Variants in LGR5 observed in about 807,000 individuals in gnomAD.
The protein encoded by LGR5 is leucine-rich repeat-containing G protein-coupled receptor 5.
In LGR5, 54 loss-of-function variants were observed where a neutral mutation model predicts 76.7. The ratio of observed to expected loss-of-function variants is 0.70; its 90% CI spans 0.57 to 0.88. LGR5 has a LOEUF of 0.88. LGR5 is among the 40% of genes least tolerant of loss of function. LGR5 has a pLI of 0.00. For missense variants in LGR5, 1,078 were observed against 1,073.3 expected, an observed-to-expected ratio of 1.00 and a Z score of -0.06; for synonymous variants, 406 against 421.9, an observed-to-expected ratio of 0.96 and a Z score of 0.46.
At chr12:71,456,947 A>G (rs554428410) in intron 1 of LGR5, among the ~76,000 whole-genome samples, 1 of 152,192 alleles carries the variant, frequency 6.6e-6, no homozygotes, top group Admixed American at 6.5e-5. Context: ...TTGAAACCCT[A>G]AAATTTGTTC....
intron 6 of LGR5, among the ~76,000 whole-genome samples, chr12:71,557,875 C>T (rs1233509881): frequency 6.6e-6 from 1 of 152,192 alleles, no homozygotes; most frequent in Non-Finnish European, 1.5e-5. Flanking sequence ...CTGACCAGAA[C>T]TGCAAAAGGA....
chr12:71,483,221 A>G (rs1873687110), intron 1 of LGR5, among the ~76,000 whole-genome samples: 2 of 152,104 alleles, frequency 1.3e-5, no homozygotes, highest in South Asian at 4.1e-4. Context: ...TTGCGTGTCT[A>G]CTCCCAGAAA....
intron 1 of LGR5, among the ~76,000 whole-genome samples, chr12:71,447,945 G>C (rs1288554218): frequency 1.3e-5 from 2 of 152,192 alleles, no homozygotes; most frequent in East Asian, 3.8e-4. Flanking sequence ...CTTTCCTCAA[G>C]TGGTCCCTTG....
chr12:71,464,712 TA>T (rs1311886307), intron 1 of LGR5, among the ~76,000 whole-genome samples: 1 of 152,210 alleles, frequency 6.6e-6, no homozygotes, highest in Admixed American at 6.5e-5. Context: ...GTTGTTTGAA[TA>T]AATACATTCA....
intron 1 of LGR5, among the ~76,000 whole-genome samples, chr12:71,473,367 G>A (rs567165232): frequency 6.6e-6 from 1 of 152,272 alleles, no homozygotes; most frequent in East Asian, 1.9e-4. Context: ...GTTGAATGAT[G>A]AATGGCAGGA....
intron 2 of LGR5, among the ~76,000 whole-genome samples, chr12:71,512,425 C>T (rs529078548): frequency 3.3e-5 from 5 of 152,222 alleles, no homozygotes; most frequent in South Asian, 4.1e-4. Flanking sequence ...GAGAGAACTA[C>T]TTCAAAGTAT....
At chr12:71,575,722 ATGTGTG>A (rs140264650) in intron 13 of LGR5, among the ~76,000 whole-genome samples, 6,194 of 144,752 alleles carry the variant, frequency 0.043, 453 homozygotes, top group African/African-American at 0.15. Context: ...AAAAATATAT[ATGTGTG>A]TGTGTGTGTG....
At chr12:71,575,907 C>CATAAGAAG (rs1878834887) in intron 13 of LGR5, among the ~76,000 whole-genome samples, 1 of 152,114 alleles carries the variant, frequency 6.6e-6, no homozygotes, top group African/African-American at 2.4e-5. Flanking sequence ...ACTACGCAGC[C>CATAAGAAG]ATAAGAAGGG....
chr12:71,500,508 G>A (rs1874552217), intron 1 of LGR5, among the ~76,000 whole-genome samples: 1 of 152,134 alleles, frequency 6.6e-6, no homozygotes, highest in Non-Finnish European at 1.5e-5. Context: ...TGTGACCATG[G>A]CTCACTGCAG....
chr12:71,468,561 G>T (rs1872953754), intron 1 of LGR5, among the ~76,000 whole-genome samples: 1 of 152,052 alleles, frequency 6.6e-6, no homozygotes, highest in African/African-American at 2.4e-5. Context: ...ACTCTGAGTT[G>T]GCCTATTTGC....
Position 71,569,271 on chromosome 12 carries a change from G to A in LGR5, c.1071-2243G>A, listed in dbSNP as rs187401507. Reference sequence around the variant, plus strand: ...TGGGCCAAGATTTTATGATGAAATCGCCTAAAGCAATTGCAACAAAAGCAA... The same window carrying A: ...TGGGCCAAGATTTTATGATGAAATCACCTAAAGCAATTGCAACAAAAGCAA... On this transcript the variant is annotated intron_variant, in intron 11 of 17. Coordinates refer to ENST00000266674, the MANE Select transcript of LGR5 (RefSeq NM_003667.4). Among the ~76,000 whole-genome samples the A allele has an allele frequency of 3.8e-4, 58 of 152,188 alleles. No homozygotes were observed. In the East Asian group the frequency reaches 0.01, roughly 27 times the overall value.
intron 2 of LGR5, among the ~76,000 whole-genome samples, chr12:71,510,027 T>C (rs1179565649): frequency 6.6e-6 from 1 of 152,238 alleles, no homozygotes; most frequent in Non-Finnish European, 1.5e-5. Flanking sequence ...AAATAGCATC[T>C]GTATAGCTGT....
chr12:71,507,432 T>C (rs1344211406), intron 2 of LGR5, among the ~76,000 whole-genome samples: 1 of 152,172 alleles, frequency 6.6e-6, no homozygotes, highest in Non-Finnish European at 1.5e-5. Flanking sequence ...TATGTGTCTG[T>C]GTCTGTGCAT....
Position 71,584,300 on chromosome 12 carries a change from A to G in LGR5, c.2290A>G (p.Met764Val), listed in dbSNP as rs572843669. ...CCTGGAGAATATTTGGGACTGCTCT[A>G]TGGTAAAACACATTGCCCTGTTGCT... ...GDLENIWDCS[M>V]VKHIALLLFT... Residue 764 changes from methionine (M) to valine (V), a missense_variant, in exon 18 of 18, where the codon ATG (methionine) becomes GTG (valine). Physicochemically the swap from Met to Val is conservative, Grantham distance 21. Transcript: ENST00000266674. The G allele has an allele frequency of 2.5e-6, 4 of 1,614,176 alleles. No homozygotes were observed. Among genetic ancestry groups the G allele is most frequent in the South Asian group, 2.2e-5 (2 of 91,078 alleles).
chr12:71,583,315 T>C (rs1879171762), intron 17 of LGR5: 1 of 237,450 alleles, frequency 4.2e-6, no homozygotes, highest in Non-Finnish European at 8.2e-6. Flanking sequence ...TGAAAACTTA[T>C]ATAATGAAAA....
Position 71,524,442 on chromosome 12 carries a change from G to A in LGR5, c.321G>A (p.Lys107=). The A allele has an allele frequency of 6.2e-7, 1 of 1,613,358 alleles. No homozygotes were observed. Among genetic ancestry groups the A allele is most frequent in the Non-Finnish European group, 8.5e-7 (1 of 1,179,510 alleles). Residue 107 remains lysine (K), a synonymous_variant, in exon 3 of 18, where the codon AAG becomes AAA. Coordinates refer to ENST00000266674, the MANE Select transcript of LGR5 (RefSeq NM_003667.4). ...GAAACGCTCTGACATACATTCCCAA[G>A]GGAGCATTCACTGGCCTTTACAGTC... ...LAGNALTYIP[K]GAFTGLYSLK... is the part of the protein sequence containing the mutation.
At chr12:71,473,372 G>A (rs1351147794) in intron 1 of LGR5, among the ~76,000 whole-genome samples, 1 of 152,226 alleles carries the variant, frequency 6.6e-6, no homozygotes, top group East Asian at 1.9e-4. Context: ...ATGATGAATG[G>A]CAGGACTTTA....
intron 13 of LGR5, among the ~76,000 whole-genome samples, chr12:71,576,628 G>C (rs138942032): frequency 1.3e-5 from 2 of 152,224 alleles, no homozygotes; most frequent in African/African-American, 4.8e-5. Context: ...GGATTCCAGC[G>C]CACGGGCTCA....
In LGR5 at chr12:71,583,659, C is replaced by A. The variant is rs1446479314; in HGVS notation, c.1649C>A (p.Pro550His). Residue 550 changes from proline (P) to histidine (H), a missense_variant, in exon 18 of 18, where the codon CCC (proline) becomes CAC (histidine). Physicochemically the swap from Pro to His is moderately conservative, Grantham distance 77. Coordinates refer to ENST00000266674, the MANE Select transcript of LGR5 (RefSeq NM_003667.4). Reference sequence around the variant, plus strand: ...CTTGGACTTCTAGGCCCCTTCAAACCCTGTGAACACCTGCTTGATGGCTGG... The same window carrying A: ...CTTGGACTTCTAGGCCCCTTCAAACACTGTGAACACCTGCTTGATGGCTGG... ...QCSPSPGPFK[P>H]CEHLLDGWLI... 2 of 1,612,126 alleles carry A rather than the reference C, an allele frequency of 1.2e-6. No individual in the cohort carries two copies. The highest frequency in any genetic ancestry group is 8.5e-7 in the Non-Finnish European group (1 of 1,178,590).
Sources: allele counts gnomAD v4.1 joint callset (sites outside exome capture counted in the v4.1 genomes callset), GRCh38; gene constraint gnomAD v4.1.1; transcripts MANE v1.5; gene names NCBI Gene and HGNC (gene_info 2026-07-23, HGNC 2026-07-21).